ATP2B2: variants seen among roughly 807,000 people sequenced by gnomAD.
The protein encoded by ATP2B2 is ATPase plasma membrane Ca2+ transporting 2.
A neutral mutation model predicts 120.0 loss-of-function variants in ATP2B2; 15 were observed. The observed-to-expected ratio is 0.12, with a 90% CI of 0.08 to 0.19. The LOEUF (loss-of-function observed/expected upper bound fraction) is 0.19. ATP2B2 is among the 10% of genes least tolerant of loss of function. ATP2B2 has a pLI of 1.00. For synonymous variants in ATP2B2, 694 were observed against 700.3 expected (o/e 0.99, Z 0.14); for missense variants, 1,045 against 1,719.8 (o/e 0.61, Z 6.94).
At chr3:10,441,791 T>C (rs151226923) in intron 2 of ATP2B2, among the ~76,000 whole-genome samples, 1 of 152,296 alleles carries the variant, frequency 6.6e-6, no homozygotes, top group East Asian at 1.9e-4. Flanking sequence ...CTTGGCATAT[T>C]AGAAGCAGGG....
rs567671308 is a variant in ATP2B2 at position 10,581,695 on chromosome 3, AG to A, written c.-415+38221del. On this transcript the variant is annotated intron_variant, in intron 2 of 21. Transcript: ENST00000646379. ...CTTTTTGTAGGGCTGGTTAGAAACA[AG>A]GTCTTCCCTATAGCCAAAATGTTGG... 3.0e-3 allele frequency among the ~76,000 whole-genome samples: 456 copies of A among 152,336 alleles called. 1 individual carries two copies. The highest frequency in any genetic ancestry group is 5.5e-3 in the Admixed American group (84 of 15,312).
At chr3:10,610,194 A>AT (rs1464915775) in intron 2 of ATP2B2, among the ~76,000 whole-genome samples, 5 of 150,164 alleles carry the variant, frequency 3.3e-5, no homozygotes, top group East Asian at 2.0e-4. Flanking sequence ...TGTGTGTAAA[A>AT]TTTTTTTTTA....
At position 10,449,349 on chromosome 3, in the gene ATP2B2, A is replaced by G. The variant is rs571014943; in HGVS notation, c.195T>C (p.Val65=). 15 of 1,614,136 alleles carry G rather than the reference A, an allele frequency of 9.3e-6. No homozygotes were observed. The highest frequency in any genetic ancestry group is 1.3e-5 in the Non-Finnish European group (15 of 1,180,010). ...AICRRLKTSP[V]EGLPGTAPDL... is the part of the protein sequence containing the mutation. ...GTTCAAGTCTTGAACACTTACCTTC[A>G]ACAGGTGAGGTTTTGAGGCGCCGGC... Residue 65 remains valine, a synonymous_variant, in exon 2 of 23, where the codon GTT becomes GTC. Transcript: ENST00000360273.
chr3:10,370,853 T>A (rs921691879), intron 12 of ATP2B2, among the ~76,000 whole-genome samples: 3 of 152,134 alleles, frequency 2.0e-5, no homozygotes, highest in African/African-American at 4.8e-5. Context: ...CTGATGGACA[T>A]CTGGATGGAT....
chr3:10,420,648 C>T (rs1324379527), intron 2 of ATP2B2, among the ~76,000 whole-genome samples: 1 of 152,234 alleles, frequency 6.6e-6, no homozygotes, highest in Non-Finnish European at 1.5e-5. Flanking sequence ...AGGTATGAGC[C>T]ACCACGCCCG....
intron 2 of ATP2B2, among the ~76,000 whole-genome samples, chr3:10,573,316 C>T (rs1026434590): frequency 2.6e-5 from 4 of 152,158 alleles, no homozygotes; most frequent in Admixed American, 1.3e-4. Flanking sequence ...GATTTTGCTG[C>T]TGAATTTCGA....
chr3:10,579,489 A>G lies in ATP2B2; in HGVS notation c.-415+40428T>C, dbSNP rs9841592. Among the ~76,000 whole-genome samples, 1,291 of 152,254 alleles carry G rather than the reference A, an allele frequency of 8.5e-3. 18 individuals are homozygous for G. Among genetic ancestry groups the G allele is most frequent in the African/African-American group, 0.029 (1,196 of 41,568 alleles). On this transcript the variant is annotated intron_variant, in intron 2 of 21. Coordinates refer to the ATP2B2 transcript ENST00000646379. The stretch of plus-strand genomic sequence containing the variant: ...GGAGTTCAAGAGCAGCCTGGCTAAC[A>G]TGGTGAAACCCCCATCTCTACTAAA...
rs2060019699 is a variant in ATP2B2, at chr3:10,332,933, C to T, written c.3421-3808G>A. ...GCAATAGGGACGTGCCATTAAGTTTCCGGGGCAAAAACAACCTCGTTTTTG... is the reference window on the plus strand; with the variant it reads ...GCAATAGGGACGTGCCATTAAGTTTTCGGGGCAAAAACAACCTCGTTTTTG... On this transcript the variant is annotated intron_variant, in intron 22 of 22. Coordinates refer to ENST00000360273, the MANE Select transcript of ATP2B2 (RefSeq NM_001001331.4). Among the ~76,000 whole-genome samples, 7 of 152,306 alleles carry T rather than the reference C, an allele frequency of 4.6e-5. No individual in the cohort carries two copies. In the South Asian group the frequency reaches 1.5e-3, roughly 32 times the overall value.
At chr3:10,441,343 G>T (rs1199570084) in intron 2 of ATP2B2, among the ~76,000 whole-genome samples, 2 of 152,144 alleles carry the variant, frequency 1.3e-5, no homozygotes, top group Non-Finnish European at 2.9e-5. Flanking sequence ...GGGTTCAAGT[G>T]ATTCTTGTGT....
intron 1 of ATP2B2, among the ~76,000 whole-genome samples, chr3:10,689,848 C>T (rs2071615353): frequency 6.6e-6 from 1 of 152,228 alleles, no homozygotes; most frequent in Admixed American, 6.5e-5. Context: ...GCACCCTCCA[C>T]CCCGAGGTGG....
At chr3:10,403,858 C>G (rs927848621) in intron 3 of ATP2B2, among the ~76,000 whole-genome samples, 5 of 152,320 alleles carry the variant, frequency 3.3e-5, no homozygotes, top group East Asian at 1.9e-4. Flanking sequence ...GATCTGACAC[C>G]AGACCTGGCC....
intron 2 of ATP2B2, among the ~76,000 whole-genome samples, chr3:10,591,834 T>C (rs992460947): frequency 5.3e-5 from 8 of 152,160 alleles, no homozygotes; most frequent in African/African-American, 1.4e-4. Context: ...AATCCATGTT[T>C]CCTGACCTTC....
rs774492323 is a variant in ATP2B2 at position 10,328,763 on chromosome 3, G to C, written c.*51C>G. The C allele has an allele frequency of 6.5e-7, 1 of 1,540,754 alleles. No individual in the cohort carries two copies. Among genetic ancestry groups the C allele is most frequent in the Admixed American group, 1.8e-5 (1 of 54,460 alleles). On this transcript the variant is annotated 3_prime_UTR_variant, in exon 23 of 23. Coordinates refer to ENST00000360273, the MANE Select transcript of ATP2B2 (RefSeq NM_001001331.4). ...CTGGATGGATGGGTGCCCGGAAAGC[G>C]GGTGGCAGCGGGGTCCATGAGGGCG...
chr3:10,576,639 C>A (rs1036054641), intron 2 of ATP2B2, among the ~76,000 whole-genome samples: 1 of 152,066 alleles, frequency 6.6e-6, no homozygotes, highest in Admixed American at 6.5e-5. Flanking sequence ...CTCGGCCTCC[C>A]AAATTGCTGG....
chr3:10,535,031 G>T (rs1014078787), intron 2 of ATP2B2, among the ~76,000 whole-genome samples: 1 of 150,296 alleles, frequency 6.7e-6, no homozygotes, highest in Non-Finnish European at 1.5e-5. Flanking sequence ...AGCCTCCCAA[G>T]GGGCCAGGAT....
chr3:10,459,791 C>A (rs368027331), intron 1 of ATP2B2, among the ~76,000 whole-genome samples: 1 of 152,262 alleles, frequency 6.6e-6, no homozygotes, highest in East Asian at 1.9e-4. Flanking sequence ...CACAACGATG[C>A]TTTGCACTGG....
intron 18 of ATP2B2, 143 bp downstream of exon 18, chr3:10,345,240 TG>T: frequency 1.1e-6 from 1 of 921,660 alleles, no homozygotes; most frequent in Non-Finnish European, 1.6e-6. Flanking sequence ...ATGCAGTTCC[TG>T]GCCCCCAGCA....
intron 1 of ATP2B2, among the ~76,000 whole-genome samples, chr3:10,664,306 G>C (rs35030025): frequency 0.22 from 33,477 of 152,010 alleles, 6,173 homozygotes; most frequent in African/African-American, 0.5. Flanking sequence ...AGTGGTCAGC[G>C]GCTGAGAGGA....
At chr3:10,357,171 C>A (rs1358744051) in intron 14 of ATP2B2, among the ~76,000 whole-genome samples, 2 of 152,096 alleles carry the variant, frequency 1.3e-5, no homozygotes, top group Non-Finnish European at 2.9e-5. Context: ...AGGAAGGGGA[C>A]CCACGTATGT....
Sources: gnomAD v4.1 joint callset for allele counts (sites outside exome capture counted in the v4.1 genomes callset) on GRCh38, gnomAD v4.1.1 for gene constraint, MANE v1.5 for transcripts, NCBI Gene and HGNC (gene_info 2026-07-23, HGNC 2026-07-21) for gene names.